Variants in PDS5A observed in about 807,000 individuals in gnomAD.
The protein encoded by PDS5A is sister chromatid cohesion protein PDS5 homolog A.
PDS5A carries 42 observed loss-of-function variants against 167.1 expected under a neutral mutation model. The ratio of observed to expected loss-of-function variants is 0.25; its 90% confidence interval spans 0.20 to 0.33. The LOEUF is 0.33. Ranked by LOEUF, PDS5A falls within the 10% of genes least tolerant of loss-of-function variation. The pLI, the probability that PDS5A is intolerant of heterozygous loss-of-function variation, is 1.00. For synonymous variants in PDS5A, 553 were observed against 554.6 expected (o/e 1.00, Z 0.04); for missense variants, 1,033 against 1,605.9 (o/e 0.64, Z 6.10).
chr4:39,871,090 T>C (rs539735640), intron 21 of PDS5A, among the ~76,000 whole-genome samples: 1 of 152,244 alleles, frequency 6.6e-6, no homozygotes, highest in South Asian at 2.1e-4. Flanking sequence ...ATATAAGAGA[T>C]ACCTAGAATA....
At chr4:39,861,702 T>C (rs1266694565) in intron 26 of PDS5A, among the ~76,000 whole-genome samples, 13 of 152,188 alleles carry the variant, frequency 8.5e-5, no homozygotes, top group Non-Finnish European at 1.9e-4. Flanking sequence ...GAAGAGGAAA[T>C]GGATATCTTA....
chr4:39,904,165 C>G lies in PDS5A; in HGVS notation c.1260G>C (p.Met420Ile). The G allele has an allele frequency of 1.2e-6, 2 of 1,608,320 alleles. No homozygotes were observed. Among genetic ancestry groups the G allele is most frequent in the Non-Finnish European group, 1.7e-6 (2 of 1,177,874 alleles). Residue 420 changes from methionine to isoleucine, a missense_variant, in exon 12 of 33, where the codon ATG becomes ATC. Met to Ile is a conservative substitution (Grantham distance 10). This residue lies in a region of PDS5A where 388 missense variants were observed against 615.1 expected (regional missense o/e 0.63). Coordinates refer to ENST00000303538, the MANE Select transcript of PDS5A (RefSeq NM_001100399.2). ...KRWRVRKEAM[M>I]GLAQLYKKYC... ...ATTTCTTATAAAGCTGAGCCAGACC[C>G]ATCATAGCTTCTTTTCTTACTCGCC...
At chr4:39,848,337 T>C (rs550653660) in intron 28 of PDS5A, 2 of 152,798 alleles carry the variant, frequency 1.3e-5, no homozygotes, top group African/African-American at 4.8e-5. Context: ...TTTACTTACA[T>C]GGGAAACAGT....
At chr4:39,877,530 A>G (rs1030658475) in intron 18 of PDS5A, among the ~76,000 whole-genome samples, 1 of 152,214 alleles carries the variant, frequency 6.6e-6, no homozygotes. Context: ...TGCTTACTTG[A>G]GATAAAACCT....
intron 2 of PDS5A, among the ~76,000 whole-genome samples, chr4:39,958,083 G>C (rs1314169197): frequency 6.6e-6 from 1 of 151,944 alleles, no homozygotes; most frequent in Non-Finnish European, 1.5e-5. Context: ...GTAGAGACAG[G>C]GTTTCACCAT....
chr4:39,883,433 G>A (rs1003403867), intron 17 of PDS5A, among the ~76,000 whole-genome samples: 6 of 152,056 alleles, frequency 3.9e-5, no homozygotes, highest in Non-Finnish European at 5.9e-5. Context: ...CGCCCACTTC[G>A]GCCTCCCAAA....
chr4:39,866,838 C>G, intron 23 of PDS5A, 23 bp downstream of exon 23: 4 of 1,591,948 alleles, frequency 2.5e-6, no homozygotes, highest in Non-Finnish European at 3.4e-6. Flanking sequence ...ACTAAGAAAA[C>G]TGGAAAGAAA....
At chr4:39,865,224 C>T (rs1213262514) in intron 23 of PDS5A, among the ~76,000 whole-genome samples, 2 of 151,994 alleles carry the variant, frequency 1.3e-5, no homozygotes, top group African/African-American at 2.4e-5. Context: ...TAAAAGTAAA[C>T]TGATAATAGC....
chr4:39,910,050 A>G, intron 10 of PDS5A, 194 bp downstream of exon 10: 1 of 432,458 alleles, frequency 2.3e-6, no homozygotes, highest in Non-Finnish European at 4.1e-6. Flanking sequence ...TAAAATAAAC[A>G]AACAAACAAA....
chr4:39,862,963 A>C lies in PDS5A; in HGVS notation c.2877T>G (p.Asp959Glu). The change falls in exon 25 of 33, where the codon GAT (aspartate) becomes GAG (glutamate). Residue 959 changes from aspartate to glutamate, a missense_variant. Physicochemically the swap from Asp to Glu is conservative, Grantham distance 45 (BLOSUM62 2). Transcript: ENST00000303538. ...YMAIFALCAKDPVKERRAHAR... is the reference protein window; with the variant it reads ...YMAIFALCAKEPVKERRAHAR... ...CGTGTGCTCTTCTCTCCTTCACAGG[A>C]TCTTTGGCACACAAGGCAAAGATCG... 6.2e-7 allele frequency: 1 copy of C among 1,613,546 alleles called. No homozygotes were observed. The highest frequency in any genetic ancestry group is 1.3e-5 in the African/African-American group (1 of 75,054).
At chr4:39,866,800 C>A in intron 23 of PDS5A, 61 bp downstream of exon 23, 1 of 1,463,558 alleles carries the variant, frequency 6.8e-7, no homozygotes, top group Non-Finnish European at 9.4e-7. Context: ...GTAAATAATT[C>A]CTATGTAAAT....
At chr4:39,958,840 C>T (rs1729211604) in intron 2 of PDS5A, among the ~76,000 whole-genome samples, 1 of 152,118 alleles carries the variant, frequency 6.6e-6, no homozygotes, top group South Asian at 2.1e-4. Flanking sequence ...AGCTCCTGGC[C>T]TCAAGTGATC....
chr4:39,833,078 A>C (rs1249285163), intron 32 of PDS5A, among the ~76,000 whole-genome samples: 7 of 147,396 alleles, frequency 4.7e-5, no homozygotes, highest in African/African-American at 1.5e-4. Flanking sequence ...GTAATCCCAG[A>C]TACTAGGGAG....
intron 16 of PDS5A, among the ~76,000 whole-genome samples, chr4:39,891,197 C>T (rs1216243874): frequency 6.6e-6 from 1 of 150,988 alleles, no homozygotes; most frequent in Non-Finnish European, 1.5e-5. Flanking sequence ...CCATGCCCGG[C>T]TAATTTTATA....
chr4:39,970,368 C>A (rs1730384985), intron 2 of PDS5A, among the ~76,000 whole-genome samples: 1 of 151,480 alleles, frequency 6.6e-6, no homozygotes. Context: ...CATATCTTAG[C>A]TCTTTCAAAG....
chr4:39,898,737 A>T, intron 15 of PDS5A, 40 bp downstream of exon 15: 1 of 1,280,168 alleles, frequency 7.8e-7, no homozygotes, highest in Non-Finnish European at 1.1e-6. Context: ...GTCTGCATTT[A>T]CGTTTACTAC....
chr4:39,867,755 CA>C (rs1157033549), intron 22 of PDS5A, among the ~76,000 whole-genome samples: 30 of 149,656 alleles, frequency 2.0e-4, no homozygotes, highest in African/African-American at 4.2e-4. Flanking sequence ...CACACACACA[CA>C]CACACACACA....
At chr4:39,827,518 T>TA (rs150836029) in intron 32 of PDS5A, among the ~76,000 whole-genome samples, 1 of 152,004 alleles carries the variant, frequency 6.6e-6, no homozygotes, top group African/African-American at 2.4e-5. Context: ...CACTTGTTAC[T>TA]AAAAAAAATT....
chr4:39,850,738 T>A (rs147862717), intron 26 of PDS5A, among the ~76,000 whole-genome samples: 1 of 152,366 alleles, frequency 6.6e-6, no homozygotes, highest in East Asian at 1.9e-4. Context: ...CTTGTCACTG[T>A]ATATTCATTT....
Sources: allele counts gnomAD v4.1 joint callset (sites outside exome capture counted in the v4.1 genomes callset), GRCh38; gene constraint gnomAD v4.1.1; regional missense constraint gnomAD v4.1.1; transcripts MANE v1.5; gene names NCBI Gene and HGNC (gene_info 2026-07-23, HGNC 2026-07-21).